Variants in RGS6 observed in about 807,000 individuals in gnomAD.
RGS6 encodes the protein regulator of G-protein signaling 6.
In RGS6, 30 loss-of-function variants were observed where a neutral mutation model predicts 78.5. The observed-to-expected ratio is 0.38, with a 90% CI of 0.29 to 0.52. RGS6 has a LOEUF of 0.52. Ranked by LOEUF, RGS6 falls within the 20% of genes least tolerant of loss-of-function variation. The pLI is 0.85. For missense variants in RGS6, 495 were observed against 609.7 expected (o/e 0.81, Z 1.98); for synonymous variants, 206 against 206.0 (o/e 1.00, Z 0.00).
chr14:71,986,927 T>A (rs891821612), intron 2 of RGS6, among the ~76,000 whole-genome samples: 1 of 152,134 alleles, frequency 6.6e-6, no homozygotes, highest in Non-Finnish European at 1.5e-5. Context: ...CTTCTCCAAC[T>A]CTGACCTTCC....
intron 2 of RGS6, among the ~76,000 whole-genome samples, chr14:72,092,575 T>C (rs2153504749): frequency 6.6e-6 from 1 of 152,044 alleles, no homozygotes; most frequent in South Asian, 2.1e-4. Context: ...AGAAATGGGG[T>C]TTCACCAGGT....
intron 2 of RGS6, among the ~76,000 whole-genome samples, chr14:72,303,928 C>A (rs1402831872): frequency 6.6e-6 from 1 of 152,232 alleles, no homozygotes; most frequent in Non-Finnish European, 1.5e-5. Flanking sequence ...AGTTTCCCTA[C>A]TTCTACCAGA....
At chr14:72,450,060 T>C (rs1184684884) in intron 3 of RGS6, among the ~76,000 whole-genome samples, 1 of 152,124 alleles carries the variant, frequency 6.6e-6, no homozygotes, top group Admixed American at 6.5e-5. Context: ...AATACAGAAA[T>C]GTAAAGAATA....
At chr14:72,622,625 G>GGGTTGACC in the RGS6 span, among the ~76,000 whole-genome samples, 1 of 151,894 alleles carries the variant, frequency 6.6e-6, no homozygotes, top group South Asian at 2.1e-4. Flanking sequence ...CATTTTGCAT[G>GGGTTGACC]GGTTGACCAC....
chr14:72,250,741 A>G (rs766747960), intron 2 of RGS6, among the ~76,000 whole-genome samples: 1 of 152,202 alleles, frequency 6.6e-6, no homozygotes, highest in Non-Finnish European at 1.5e-5. Flanking sequence ...AGAATTAAGA[A>G]TGTATGGTAT....
intron 2 of RGS6, among the ~76,000 whole-genome samples, chr14:72,093,107 A>T (rs2095318214): frequency 6.6e-6 from 1 of 152,138 alleles, no homozygotes; most frequent in Non-Finnish European, 1.5e-5. Context: ...GAAGCAGAAC[A>T]TGACCAACAT....
intron 15 of RGS6, among the ~76,000 whole-genome samples, chr14:72,533,741 T>C (rs917371349): frequency 2.0e-5 from 3 of 152,154 alleles, no homozygotes; most frequent in African/African-American, 7.2e-5. Flanking sequence ...GCAGATGTGG[T>C]GGAAATAGCA....
chr14:72,085,109 G>A (rs1168953622), intron 2 of RGS6, among the ~76,000 whole-genome samples: 1 of 152,152 alleles, frequency 6.6e-6, no homozygotes, highest in Non-Finnish European at 1.5e-5. Flanking sequence ...CTCACAGAAT[G>A]GTGGATACTC....
rs555273200 is a variant in RGS6, at chr14:72,535,825, C to T, written c.1279-361C>T. On this transcript the variant is annotated intron_variant, in intron 15 of 17. Transcript: ENST00000553525. ...TAATCTGGAGCTTGGCTTTTTTACT[C>T]ATCCTAATTCCCTTGAGATTCATCC... Among the ~76,000 whole-genome samples the T allele has an allele frequency of 8.5e-5, 13 of 152,280 alleles. 1 individual carries two copies. In the South Asian group the frequency reaches 2.3e-3, roughly 27 times the overall value.
chr14:72,473,933 A>C (rs1194592408), intron 9 of RGS6: 1 of 152,270 alleles, frequency 6.6e-6, no homozygotes, highest in Non-Finnish European at 1.5e-5. Flanking sequence ...CCTTGGGGCC[A>C]TTTTAAACAG....
intron 1 of RGS6, among the ~76,000 whole-genome samples, chr14:71,961,130 G>A (rs1317943001): frequency 1.3e-5 from 2 of 152,212 alleles, no homozygotes; most frequent in African/African-American, 4.8e-5. Context: ...TGCTGAGTCA[G>A]ATGGGGGATG....
At chr14:71,889,337 C>T in the RGS6 span, among the ~76,000 whole-genome samples, 1 of 152,056 alleles carries the variant, frequency 6.6e-6, no homozygotes, top group Non-Finnish European at 1.5e-5. Context: ...GAATATCTGC[C>T]TTTGTCTGGA....
intron 2 of RGS6, among the ~76,000 whole-genome samples, chr14:72,137,440 G>A (rs1358647554): frequency 6.6e-6 from 1 of 152,188 alleles, no homozygotes; most frequent in Non-Finnish European, 1.5e-5. Flanking sequence ...AGATCTCACA[G>A]GTAAAGGGCT....
At chr14:72,502,657 G>C (rs112292257) in intron 13 of RGS6, among the ~76,000 whole-genome samples, 1 of 152,156 alleles carries the variant, frequency 6.6e-6, no homozygotes, top group Non-Finnish European at 1.5e-5. Context: ...CCAGGTACTC[G>C]GGAGCCTGAG....
At chr14:72,145,126 C>A (rs2153621942) in intron 2 of RGS6, among the ~76,000 whole-genome samples, 1 of 152,104 alleles carries the variant, frequency 6.6e-6, no homozygotes, top group South Asian at 2.1e-4. Context: ...GCAGAGTCTG[C>A]AAAATATCTC....
chr14:72,537,451 G>T, intron 16 of RGS6: 1 of 702,204 alleles, frequency 1.4e-6, no homozygotes, highest in Middle Eastern at 2.3e-4. Flanking sequence ...TCTGAGAAAG[G>T]AAAGAGGACT....
chr14:72,405,491 C>T (rs551426869), intron 3 of RGS6, among the ~76,000 whole-genome samples: 1 of 152,240 alleles, frequency 6.6e-6, no homozygotes, highest in Non-Finnish European at 1.5e-5. Context: ...TAGCTCCACC[C>T]ATAACAGTGT....
At chr14:72,227,104 G>T (rs370807745) in intron 2 of RGS6, among the ~76,000 whole-genome samples, 123 of 152,314 alleles carry the variant, frequency 8.1e-4, no homozygotes, top group African/African-American at 2.9e-3. Flanking sequence ...GCAGGTGTTT[G>T]TAAAGTGATT....
chr14:72,532,858 A>T (rs895176888), intron 15 of RGS6, among the ~76,000 whole-genome samples: 5 of 152,262 alleles, frequency 3.3e-5, no homozygotes, highest in Non-Finnish European at 5.9e-5. Context: ...AGGTTGGTTC[A>T]TGTGGTTTAC....
Sources: allele counts gnomAD v4.1 joint callset (sites outside exome capture counted in the v4.1 genomes callset), GRCh38; gene constraint gnomAD v4.1.1; transcripts MANE v1.5; gene names NCBI Gene and HGNC (gene_info 2026-07-23, HGNC 2026-07-21).